MYRIP: variants seen among roughly 807,000 people sequenced by gnomAD.
The protein encoded by MYRIP is rab effector MyRIP.
A neutral mutation model predicts 98.0 loss-of-function variants in MYRIP; 49 were observed. That is an observed-to-expected ratio of 0.50 (90% CI 0.40 to 0.63). MYRIP has a LOEUF of 0.63. Among genes scored for constraint, MYRIP ranks in the 30% least tolerant of loss-of-function variants. The pLI is 0.00. For synonymous variants in MYRIP, 404 were observed against 409.5 expected, an observed-to-expected ratio of 0.99 and a Z score of 0.16; for missense variants, 1,004 against 1,058.2, an observed-to-expected ratio of 0.95 and a Z score of 0.71.
chr3:39,827,952 T>C (rs1280550221), intron 1 of MYRIP, among the ~76,000 whole-genome samples: 1 of 152,178 alleles, frequency 6.6e-6, no homozygotes, highest in Non-Finnish European at 1.5e-5. Flanking sequence ...TTGAGAAGTC[T>C]ACTCTTAGTC....
chr3:40,068,294 T>C (rs1948161619), intron 3 of MYRIP, among the ~76,000 whole-genome samples: 1 of 152,204 alleles, frequency 6.6e-6, no homozygotes, highest in Non-Finnish European at 1.5e-5. Context: ...AACACACCAA[T>C]GTCAAGTTCT....
chr3:40,061,135 G>A (rs765904393), intron 3 of MYRIP, among the ~76,000 whole-genome samples: 92 of 152,176 alleles, frequency 6.0e-4, no homozygotes, highest in Middle Eastern at 3.4e-3. Context: ...TGTTATACAG[G>A]TAAACTTCTG....
At chr3:39,823,018 CTTTT>C (rs35819968) in intron 1 of MYRIP, among the ~76,000 whole-genome samples, 1 of 123,294 alleles carries the variant, frequency 8.1e-6, no homozygotes, top group Non-Finnish European at 1.7e-5. Flanking sequence ...TCTTTTCTTC[CTTTT>C]TTTTTTTTTT....
chr3:40,108,147 C>A (rs913793970), intron 3 of MYRIP, among the ~76,000 whole-genome samples: 25 of 148,488 alleles, frequency 1.7e-4, no homozygotes, highest in Non-Finnish European at 2.4e-4. Flanking sequence ...AAAGCTGCAG[C>A]ACTTAGTTAT....
chr3:40,119,846 G>A (rs1028542402), intron 3 of MYRIP, among the ~76,000 whole-genome samples: 2 of 151,856 alleles, frequency 1.3e-5, no homozygotes, highest in Non-Finnish European at 2.9e-5. Context: ...CAGCACACCA[G>A]CATGGCACAT....
chr3:39,812,694 T>G (rs1367557184), intron 1 of MYRIP, among the ~76,000 whole-genome samples: 1 of 152,244 alleles, frequency 6.6e-6, no homozygotes, highest in Non-Finnish European at 1.5e-5. Flanking sequence ...AATCAGAATT[T>G]GAAAGCTGAC....
At chr3:40,033,086 A>C (rs1947296843) in intron 2 of MYRIP, among the ~76,000 whole-genome samples, 1 of 150,744 alleles carries the variant, frequency 6.6e-6, no homozygotes, top group Non-Finnish European at 1.5e-5. Flanking sequence ...AATAAGAGCT[A>C]TCTATGACAA....
At chr3:40,037,025 A>G (rs1300618777) in intron 2 of MYRIP, among the ~76,000 whole-genome samples, 1 of 152,128 alleles carries the variant, frequency 6.6e-6, no homozygotes, top group East Asian at 1.9e-4. Context: ...AAAGAAAACC[A>G]ATCAATCTGA....
chr3:40,057,695 C>G (rs1947912172), intron 3 of MYRIP, among the ~76,000 whole-genome samples: 1 of 152,146 alleles, frequency 6.6e-6, no homozygotes, highest in Non-Finnish European at 1.5e-5. Flanking sequence ...GCACTAGAAA[C>G]TTGTGTTTTG....
chr3:39,946,539 G>T (rs1005946003), intron 2 of MYRIP, among the ~76,000 whole-genome samples: 1 of 152,104 alleles, frequency 6.6e-6, no homozygotes, highest in Non-Finnish European at 1.5e-5. Context: ...ATTAACTGGG[G>T]GTTCTCCAGT....
intron 2 of MYRIP, among the ~76,000 whole-genome samples, chr3:40,022,401 A>G (rs1559564136): frequency 6.6e-6 from 1 of 152,220 alleles, no homozygotes; most frequent in South Asian, 2.1e-4. Context: ...TCTTCAAGGA[A>G]AAAGATAAAT....
chr3:39,968,761 C>A (rs1490459157), intron 2 of MYRIP, among the ~76,000 whole-genome samples: 2 of 152,150 alleles, frequency 1.3e-5, no homozygotes, highest in African/African-American at 4.8e-5. Flanking sequence ...TAACATGATA[C>A]CTCCAGCTTT....
intron 12 of MYRIP, 88 bp downstream of exon 12, chr3:40,234,141 GACAC>G (rs750296957): frequency 7.5e-7 from 1 of 1,331,360 alleles, no homozygotes; most frequent in Non-Finnish European, 1.0e-6. Flanking sequence ...AGAGTGCAAG[GACAC>G]ACACATACAC....
chr3:39,823,266 G>C (rs1243005399), intron 1 of MYRIP, among the ~76,000 whole-genome samples: 1 of 151,952 alleles, frequency 6.6e-6, no homozygotes, highest in Admixed American at 6.6e-5. Context: ...TGCCCGCCTC[G>C]GCCTCCCAAA....
chr3:39,842,288 G>T (rs1489132976), intron 1 of MYRIP, among the ~76,000 whole-genome samples: 1 of 152,116 alleles, frequency 6.6e-6, no homozygotes, highest in Admixed American at 6.5e-5. Flanking sequence ...TCAACCCTCA[G>T]TAATGGCTGA....
intron 3 of MYRIP, among the ~76,000 whole-genome samples, chr3:40,091,875 A>C (rs896131878): frequency 2.6e-5 from 4 of 152,222 alleles, no homozygotes; most frequent in Non-Finnish European, 5.9e-5. Context: ...AGAACCTCCC[A>C]GAAGGAGCAT....
At chr3:39,947,526 A>C (rs890194155) in intron 2 of MYRIP, among the ~76,000 whole-genome samples, 1 of 152,202 alleles carries the variant, frequency 6.6e-6, no homozygotes, top group African/African-American at 2.4e-5. Flanking sequence ...ATTAACATTT[A>C]CAAGAGAAAG....
rs879459304 is a variant in MYRIP at position 39,884,811 on chromosome 3, T to TA, written c.-30-15976_-30-15975insA. 5.1e-3 allele frequency among the ~76,000 whole-genome samples: 767 copies of TA among 149,810 alleles called. 7 individuals are homozygous for TA. Among genetic ancestry groups the TA allele is most frequent in the Middle Eastern group, 0.017 (5 of 286 alleles). On this transcript the variant is annotated intron_variant, in intron 1 of 16. Coordinates refer to ENST00000302541, the MANE Select transcript of MYRIP (RefSeq NM_015460.4). ...TGTATGGCTATACAGTCATTATTATTTTTTTTTTTTGCATGAATGTAAGTG... is the reference window on the plus strand; with the variant it reads ...TGTATGGCTATACAGTCATTATTATTATTTTTTTTTTGCATGAATGTAAGTG...
chr3:40,134,827 C>T (rs1949726950), intron 3 of MYRIP, among the ~76,000 whole-genome samples: 1 of 152,118 alleles, frequency 6.6e-6, no homozygotes, highest in African/African-American at 2.4e-5. Flanking sequence ...AGGGTCCTGA[C>T]TGTTAGAAGG....
Sources: gnomAD v4.1 joint callset for allele counts (sites outside exome capture counted in the v4.1 genomes callset) on GRCh38, gnomAD v4.1.1 for gene constraint, MANE v1.5 for transcripts, NCBI Gene and HGNC (gene_info 2026-07-23, HGNC 2026-07-21) for gene names.